Variants in ACSM4 observed in about 807,000 individuals in gnomAD.
ACSM4 encodes the protein acyl-CoA synthetase medium chain family member 4, also known as acyl-coenzyme A synthetase ACSM4, mitochondrial.
Under a neutral mutation model 73.0 loss-of-function variants are expected in ACSM4, and 66 were observed. That is an observed-to-expected ratio of 0.90 (90% CI 0.74 to 1.11). The LOEUF (loss-of-function observed/expected upper bound fraction) is 1.11. Among genes scored for constraint, ACSM4 ranks in the 50% least tolerant of loss-of-function variants. ACSM4 has a pLI of 0.00. For synonymous variants in ACSM4, 222 were observed against 254.0 expected, an observed-to-expected ratio of 0.87 and a Z score of 1.20; for missense variants, 645 against 714.4, an observed-to-expected ratio of 0.90 and a Z score of 1.11.
At chr12:7,328,040 AG>A (rs1946522478) in intron 12 of ACSM4, among the ~76,000 whole-genome samples, 1 of 152,194 alleles carries the variant, frequency 6.6e-6, no homozygotes, top group Non-Finnish European at 1.5e-5. Context: ...AATGGGGTAA[AG>A]GGATTATTAC....
In ACSM4 at chr12:7,318,058, T is replaced by C; in HGVS notation, c.797T>C (p.Ile266Thr). The stretch of plus-strand genomic sequence containing the variant: ...CTGGACTTGAAGTCCTCAGATATCA[T>C]ATGGAATATGTCTGACACGGGCTGG... ...YWLDLKSSDI[I>T]WNMSDTGWVK... The change falls in exon 5 of 13, where the codon ATA (isoleucine) becomes ACA (threonine). Residue 266 changes from isoleucine to threonine, a missense_variant. Ile to Thr is a moderately conservative substitution (Grantham distance 89). Transcript: ENST00000399422. 1.9e-6 allele frequency: 3 copies of C among 1,613,802 alleles called. No individual in the cohort carries two copies. Among genetic ancestry groups the C allele is most frequent in the East Asian group, 2.2e-5 (1 of 44,858 alleles).
Position 7,306,746 on chromosome 12 carries a change from C to G in ACSM4, c.412+3C>G. 6.2e-7 allele frequency: 1 copy of G among 1,603,450 alleles called. No homozygotes were observed. The highest frequency in any genetic ancestry group is 8.5e-7 in the Non-Finnish European group (1 of 1,175,524). ...CAATGTAGCTTGCATACGAACAGGT[C>G]AGTGCCAATATTAGCATTCTAAATC... On this transcript the variant is annotated splice_donor_region_variant and intron_variant, in intron 2 of 12. Coordinates refer to ENST00000399422, the MANE Select transcript of ACSM4 (RefSeq NM_001080454.2).
chr12:7,306,847 CAAA>C (rs59277746), intron 2 of ACSM4, 104 bp downstream of exon 2: 18,814 of 476,118 alleles, frequency 0.04, 1 homozygote, highest in Middle Eastern at 0.047. Flanking sequence ...ATACAGAAGA[CAAA>C]AAAAAAAAAA....
chr12:7,321,654 G>T (rs1341405154), intron 6 of ACSM4, among the ~76,000 whole-genome samples: 1 of 152,174 alleles, frequency 6.6e-6, no homozygotes, highest in Non-Finnish European at 1.5e-5. Flanking sequence ...ACACCCTCTG[G>T]CCCATTTGGG....
Position 7,324,624 on chromosome 12 carries a change from A to G in ACSM4, c.1536+26A>G. On this transcript the variant is annotated intron_variant, in intron 11 of 12. Coordinates refer to ENST00000399422, the MANE Select transcript of ACSM4 (RefSeq NM_001080454.2). ...GTAGATGAATGTCATTTATTAAAGA[A>G]GCAACATCATATTTTCAAGTTCTGT... 1.9e-6 allele frequency: 3 copies of G among 1,607,626 alleles called. No individual in the cohort carries two copies. The South Asian group carries it at 3.3e-5, about 18-fold the overall frequency.
rs143392731 is a variant in ACSM4, at chr12:7,305,764, G to A, written c.202-769G>A. Among the ~76,000 whole-genome samples, 154 of 152,320 alleles carry A rather than the reference G, an allele frequency of 1.0e-3. 5 individuals carry two copies. In the East Asian group the frequency reaches 0.024, roughly 24 times the overall value. ...AGAAGTCTAAGAAAAGCTCACAGAC[G>A]AACTGACATGTCAACAGGGCTTTAA... On this transcript the variant is annotated intron_variant, in intron 1 of 12. Coordinates refer to ENST00000399422, the MANE Select transcript of ACSM4 (RefSeq NM_001080454.2).
chr12:7,322,300 A>C, intron 6 of ACSM4, 118 bp from the exon 7 acceptor site: 1 of 1,400,740 alleles, frequency 7.1e-7, no homozygotes, highest in South Asian at 1.2e-5. Flanking sequence ...TGTTGAATGA[A>C]CTTTGCTAAG....
At chr12:7,305,057 T>G (rs1221044417) in intron 1 of ACSM4, among the ~76,000 whole-genome samples, 1 of 152,168 alleles carries the variant, frequency 6.6e-6, no homozygotes, top group Non-Finnish European at 1.5e-5. Flanking sequence ...CAAAATGCAC[T>G]GCAGGACCAT....
chr12:7,311,631 A>G (rs1265034421), intron 3 of ACSM4, among the ~76,000 whole-genome samples: 1 of 152,148 alleles, frequency 6.6e-6, no homozygotes, highest in Admixed American at 6.5e-5. Flanking sequence ...CCTCTAGAGT[A>G]GGGTTTGGCA....
chr12:7,307,714 G>C (rs1016503435), intron 2 of ACSM4, among the ~76,000 whole-genome samples: 9 of 152,162 alleles, frequency 5.9e-5, no homozygotes, highest in African/African-American at 2.2e-4. Context: ...ATTTACATAA[G>C]TAATTTTAAT....
rs1293515402 is a variant in ACSM4 at position 7,320,708 on chromosome 12, C to A, written c.922-17C>A. 1 of 1,603,428 alleles carries A rather than the reference C, an allele frequency of 6.2e-7. No individual in the cohort carries two copies. Among genetic ancestry groups the A allele is most frequent in the Non-Finnish European group, 8.5e-7 (1 of 1,171,238 alleles). ...GAATGACCACTTCTGACATCTGTGT[C>A]TTTCTCCATCATCCAGACACTTACT... On this transcript the variant is annotated splice_polypyrimidine_tract_variant and intron_variant, in intron 5 of 12. Coordinates refer to ENST00000399422, the MANE Select transcript of ACSM4 (RefSeq NM_001080454.2).
At chr12:7,323,144 A>G in intron 7 of ACSM4, 90 bp from the exon 8 acceptor site, 1 of 1,255,272 alleles carries the variant, frequency 8.0e-7, no homozygotes, top group African/African-American at 1.5e-5. Context: ...CAGGAAAATC[A>G]GTCAAAATCA....
intron 11 of ACSM4, among the ~76,000 whole-genome samples, chr12:7,326,237 C>G (rs1946504352): frequency 6.6e-6 from 1 of 152,142 alleles, no homozygotes; most frequent in Non-Finnish European, 1.5e-5. Context: ...GAGACTTGCT[C>G]TGTCACCCAG....
At chr12:7,312,910 T>C (rs981482769) in intron 3 of ACSM4, among the ~76,000 whole-genome samples, 1 of 152,188 alleles carries the variant, frequency 6.6e-6, no homozygotes, top group African/African-American at 2.4e-5. Flanking sequence ...ACTAGTAACA[T>C]ACTTTTTAAC....
At chr12:7,306,809 G>A (rs1360135169) in intron 2 of ACSM4, 66 bp downstream of exon 2, 8 of 1,188,336 alleles carry the variant, frequency 6.7e-6, no homozygotes, top group East Asian at 3.3e-5. Flanking sequence ...ATGGTTTTCT[G>A]AATTGTTAGC....
chr12:7,314,656 T>C (rs190209022), intron 3 of ACSM4, among the ~76,000 whole-genome samples: 11 of 152,254 alleles, frequency 7.2e-5, no homozygotes, highest in African/African-American at 2.6e-4. Context: ...GATAGAGAGA[T>C]AGATGCCTTC....
At chr12:7,317,087 C>A in intron 3 of ACSM4, 50 bp from the exon 4 acceptor site, 1 of 1,568,446 alleles carries the variant, frequency 6.4e-7, no homozygotes, top group South Asian at 1.2e-5. Flanking sequence ...ATATCAGAGT[C>A]AAACTGGTCT....
rs1946477906 is a variant in ACSM4, at chr12:7,323,243, T to G, written c.1135T>G (p.Cys379Gly). 1 of 1,608,578 alleles carries G rather than the reference T, an allele frequency of 6.2e-7. No homozygotes were observed. The highest frequency in any genetic ancestry group is 2.2e-5 in the East Asian group (1 of 44,730). ...CTTGTCCTCTCAATAGGGAATGATT[T>G]GTGCCAATCAGAAAGGCCAAGAAAT... ...GYGQTEVGMI[C>G]ANQKGQEIKP... is the part of the protein sequence containing the mutation. Residue 379 changes from cysteine (C) to glycine (G), a missense_variant, in exon 8 of 13, where the codon TGT (cysteine) becomes GGT (glycine). Physicochemically the swap from Cys to Gly is radical, Grantham distance 159. Transcript: ENST00000399422.
At chr12:7,322,093 G>A (rs1946468050) in intron 6 of ACSM4, among the ~76,000 whole-genome samples, 1 of 152,148 alleles carries the variant, frequency 6.6e-6, no homozygotes, top group Admixed American at 6.5e-5. Context: ...ATCAATATTA[G>A]CTGTTATATC....
Sources: gnomAD v4.1 joint callset for allele counts (sites outside exome capture counted in the v4.1 genomes callset) on GRCh38, gnomAD v4.1.1 for gene constraint, MANE v1.5 for transcripts, NCBI Gene and HGNC (gene_info 2026-07-23, HGNC 2026-07-21) for gene names.